The following YEATS4 variants were observed in gnomAD, a reference collection of about 807,000 sequenced individuals.
YEATS4 encodes the protein YEATS domain containing 4, also known as YEATS domain-containing protein 4.
A neutral mutation model predicts 30.1 loss-of-function variants in YEATS4; 17 were observed. The ratio of observed to expected loss-of-function variants is 0.56; its 90% CI spans 0.39 to 0.85. The LOEUF is 0.85. YEATS4 is among the 40% of genes least tolerant of loss of function. YEATS4 has a pLI of 0.00. For missense variants in YEATS4, 142 were observed against 268.3 expected (o/e 0.53, Z 3.29); for synonymous variants, 85 against 87.5 (o/e 0.97, Z 0.16).
At chr12:69,394,823 C>T (rs1026615481), downstream of YEATS4, among the ~76,000 whole-genome samples, 2 of 152,164 alleles carry the variant, frequency 1.3e-5, no homozygotes, top group African/African-American at 2.4e-5. Flanking sequence ...CTCAAGCAAT[C>T]GGCCCACCTT....
chr12:69,363,783 C>T (rs1384511980), intron 2 of YEATS4, among the ~76,000 whole-genome samples: 2 of 151,904 alleles, frequency 1.3e-5, no homozygotes, highest in South Asian at 4.2e-4. Context: ...TTCATAATAG[C>T]CAAAAAGTGG....
chr12:69,362,179 A>G (rs1168101168), intron 1 of YEATS4, among the ~76,000 whole-genome samples: 1 of 151,902 alleles, frequency 6.6e-6, no homozygotes, highest in Non-Finnish European at 1.5e-5. Context: ...CACCAAGCCC[A>G]GCTAATTTTT....
the YEATS4 span, among the ~76,000 whole-genome samples, chr12:69,396,440 G>T: frequency 6.6e-6 from 1 of 152,176 alleles, no homozygotes; most frequent in African/African-American, 2.4e-5. Flanking sequence ...AGAGGAGAGT[G>T]TGCAAACTGG....
At chr12:69,425,053 G>A in the YEATS4 span, among the ~76,000 whole-genome samples, 1 of 151,958 alleles carries the variant, frequency 6.6e-6, no homozygotes, top group East Asian at 1.9e-4. Flanking sequence ...CTGAGTAGTT[G>A]GGATTACAGG....
At chr12:69,416,316 C>A in the YEATS4 span, among the ~76,000 whole-genome samples, 1 of 152,164 alleles carries the variant, frequency 6.6e-6, no homozygotes, top group East Asian at 1.9e-4. Context: ...TATCTAGCAA[C>A]AAAAAGAAGG....
chr12:69,362,551 G>A (rs1441231780), intron 1 of YEATS4, among the ~76,000 whole-genome samples: 2 of 152,100 alleles, frequency 1.3e-5, no homozygotes, highest in East Asian at 1.9e-4. Context: ...CTCTAAAAGC[G>A]CTTTACATGG....
chr12:69,379,533 C>T (rs959968544), intron 6 of YEATS4, among the ~76,000 whole-genome samples: 1 of 151,242 alleles, frequency 6.6e-6, no homozygotes, highest in South Asian at 2.1e-4. Context: ...TCACCTCAGC[C>T]TCCTGAGTAG....
At chr12:69,366,382 T>TAA (rs11383864) in intron 4 of YEATS4, among the ~76,000 whole-genome samples, 38 of 150,298 alleles carry the variant, frequency 2.5e-4, no homozygotes, top group East Asian at 1.2e-3. Flanking sequence ...CTTGATAATG[T>TAA]AAAAAAAAAA....
intron 6 of YEATS4, among the ~76,000 whole-genome samples, chr12:69,381,506 C>G (rs570362746): frequency 6.6e-6 from 1 of 152,270 alleles, no homozygotes; most frequent in East Asian, 1.9e-4. Flanking sequence ...AGGTGACATA[C>G]ATCCTCCTCA....
At chr12:69,367,388 G>A (rs1592849587) in intron 4 of YEATS4, among the ~76,000 whole-genome samples, 3 of 151,102 alleles carry the variant, frequency 2.0e-5, no homozygotes, top group East Asian at 3.9e-4. Flanking sequence ...TTTCTTTTGA[G>A]ACAGAGTTAC....
At chr12:69,416,751 T>C in the YEATS4 span, among the ~76,000 whole-genome samples, 2 of 152,206 alleles carry the variant, frequency 1.3e-5, no homozygotes, top group Non-Finnish European at 2.9e-5. Flanking sequence ...ACAATAAGAA[T>C]TTTATGGTGA....
the YEATS4 span, among the ~76,000 whole-genome samples, chr12:69,410,457 A>G: frequency 2.0e-5 from 3 of 152,230 alleles, no homozygotes; most frequent in African/African-American, 4.8e-5. Context: ...TATTCTACAC[A>G]GTTAACATAT....
chr12:69,362,646 A>G (rs1298271759), intron 1 of YEATS4, 142 bp from the exon 2 acceptor site: 1 of 548,292 alleles, frequency 1.8e-6, no homozygotes, highest in African/African-American at 1.9e-5. Context: ...TGTGTCTGAA[A>G]TTGATTTGAG....
intron 4 of YEATS4, among the ~76,000 whole-genome samples, chr12:69,370,501 A>G (rs1477252368): frequency 1.3e-5 from 2 of 152,198 alleles, no homozygotes; most frequent in Middle Eastern, 6.3e-3. Flanking sequence ...AAGAGTATTC[A>G]TGTTAGGTAG....
At chr12:69,377,734 T>A (rs1875924722) in intron 6 of YEATS4, among the ~76,000 whole-genome samples, 1 of 152,190 alleles carries the variant, frequency 6.6e-6, no homozygotes, top group Non-Finnish European at 1.5e-5. Flanking sequence ...AAAAAAATGT[T>A]TTATGACTTG....
At position 69,359,808 on chromosome 12, in the gene YEATS4, G is replaced by A; in HGVS notation, c.-165G>A. Reference sequence around the variant, plus strand: ...CCTTCAGGAGCACAGTCGGCCTGAGGAGTTGACGGTTACTCACCGCCGTGA... The same window carrying A: ...CCTTCAGGAGCACAGTCGGCCTGAGAAGTTGACGGTTACTCACCGCCGTGA... On this transcript the variant is annotated 5_prime_UTR_variant, in exon 1 of 7. Coordinates refer to ENST00000247843, the MANE Select transcript of YEATS4 (RefSeq NM_006530.4). 1.4e-6 allele frequency: 1 copy of A among 738,808 alleles called. No individual in the cohort carries two copies. The highest frequency in any genetic ancestry group is 2.2e-6 in the Non-Finnish European group (1 of 459,300). The allele number at this position is 738,808 out of a possible 1,614,324, so 45.8% of individuals were successfully genotyped here. A position where few individuals can be genotyped will look rare whatever the true frequency, so the allele number is the denominator to read the frequency against.
At chr12:69,376,071 T>C (rs759345966) in intron 6 of YEATS4, among the ~76,000 whole-genome samples, 9 of 152,176 alleles carry the variant, frequency 5.9e-5, no homozygotes, top group Admixed American at 1.3e-4. Context: ...TTTCCAAATA[T>C]AATATCATCT....
chr12:69,418,445 C>CT, the YEATS4 span, among the ~76,000 whole-genome samples: 1 of 152,028 alleles, frequency 6.6e-6, no homozygotes, highest in African/African-American at 2.4e-5. Context: ...GAGTGAGACT[C>CT]TGTCTCAAAA....
chr12:69,370,851 T>C, intron 5 of YEATS4, 37 bp from the exon 6 acceptor site: 1 of 1,601,234 alleles, frequency 6.2e-7, no homozygotes, highest in Non-Finnish European at 8.5e-7. Flanking sequence ...TGGAGAACTT[T>C]GAAGTTATTG....
Sources: gnomAD v4.1 joint callset for allele counts (sites outside exome capture counted in the v4.1 genomes callset) on GRCh38, gnomAD v4.1.1 for gene constraint, MANE v1.5 for transcripts, NCBI Gene and HGNC (gene_info 2026-07-23, HGNC 2026-07-21) for gene names.